The following TENM3 variants were observed in gnomAD, a reference collection of about 807,000 sequenced individuals.
TENM3 encodes the protein teneurin-3.
In TENM3, 63 loss-of-function variants were observed where a neutral mutation model predicts 255.1. The observed-to-expected ratio is 0.25, with a 90% CI of 0.20 to 0.30. The LOEUF (loss-of-function observed/expected upper bound fraction) is 0.30, where lower values mean the gene tolerates loss of function less well. TENM3 is among the 10% of genes least tolerant of loss of function. The pLI is 1.00. For missense variants in TENM3, 2,929 were observed against 3,461.1 expected (o/e 0.85, Z 3.86); for synonymous variants, 1,306 against 1,322.3 (o/e 0.99, Z 0.27).
intron 6 of TENM3, among the ~76,000 whole-genome samples, chr4:182,657,201 A>G (rs1417235949): frequency 6.6e-6 from 1 of 152,192 alleles, no homozygotes; most frequent in East Asian, 1.9e-4. Flanking sequence ...CTTCACATGT[A>G]AAGAGGGAAT....
chr4:182,299,209 A>G (rs1443868587), intron 1 of TENM3, among the ~76,000 whole-genome samples: 1 of 151,922 alleles, frequency 6.6e-6, no homozygotes, highest in Non-Finnish European at 1.5e-5. Flanking sequence ...ATTAACATCC[A>G]CTTTGTTGAA....
At chr4:182,580,750 C>G (rs529834359) in intron 3 of TENM3, among the ~76,000 whole-genome samples, 2 of 152,304 alleles carry the variant, frequency 1.3e-5, no homozygotes, top group South Asian at 4.1e-4. Context: ...ACTGCTAACC[C>G]TGATGGGTCA....
At chr4:181,558,688 A>G in the TENM3 span, among the ~76,000 whole-genome samples, 1 of 152,210 alleles carries the variant, frequency 6.6e-6, no homozygotes, top group Non-Finnish European at 1.5e-5. Flanking sequence ...ATGTTCTGTA[A>G]TAACAGGGAA....
At chr4:182,791,503 T>C (rs1355176523) in intron 25 of TENM3, among the ~76,000 whole-genome samples, 1 of 152,084 alleles carries the variant, frequency 6.6e-6, no homozygotes, top group African/African-American at 2.4e-5. Flanking sequence ...ATACATTTAC[T>C]CATTTCATAA....
chr4:182,045,842 A>G, the TENM3 span, among the ~76,000 whole-genome samples: 1 of 152,154 alleles, frequency 6.6e-6, no homozygotes, highest in Admixed American at 6.5e-5. Flanking sequence ...GGAGCCCAGG[A>G]GTTTGAGACC....
chr4:182,717,984 G>C (rs375191920), intron 13 of TENM3, among the ~76,000 whole-genome samples: 1 of 151,952 alleles, frequency 6.6e-6, no homozygotes, highest in Non-Finnish European at 1.5e-5. Context: ...CACAGTCTTC[G>C]GTTCCTCAAG....
chr4:182,486,071 G>A (rs1734675406), intron 3 of TENM3, among the ~76,000 whole-genome samples: 1 of 152,022 alleles, frequency 6.6e-6, no homozygotes, highest in Non-Finnish European at 1.5e-5. Context: ...GGAGCCGGAA[G>A]ACAGTGTCAG....
At chr4:181,924,854 T>A in the TENM3 span, among the ~76,000 whole-genome samples, 2 of 152,186 alleles carry the variant, frequency 1.3e-5, no homozygotes, top group Admixed American at 6.5e-5. Flanking sequence ...TGATTGCAAC[T>A]TGAACATGTC....
At chr4:181,809,779 G>T in the TENM3 span, among the ~76,000 whole-genome samples, 4 of 152,068 alleles carry the variant, frequency 2.6e-5, no homozygotes, top group African/African-American at 9.7e-5. Context: ...GTCCTTATAA[G>T]CAGGAAGCAA....
chr4:182,349,071 C>T (rs1476925180), intron 3 of TENM3, among the ~76,000 whole-genome samples: 2 of 152,138 alleles, frequency 1.3e-5, no homozygotes, highest in Admixed American at 1.3e-4. Context: ...AGGGCCTTGC[C>T]TTGAAATTCA....
the TENM3 span, among the ~76,000 whole-genome samples, chr4:181,523,734 A>T: frequency 6.6e-6 from 1 of 152,200 alleles, no homozygotes; most frequent in Non-Finnish European, 1.5e-5. Context: ...GGAGAGTATG[A>T]TGTTCTTCTC....
the TENM3 span, among the ~76,000 whole-genome samples, chr4:181,656,183 G>T: frequency 6.6e-6 from 1 of 152,222 alleles, no homozygotes; most frequent in African/African-American, 2.4e-5. Flanking sequence ...TCAGAACCCA[G>T]GCTTTTGAGG....
At chr4:182,101,633 T>C in the TENM3 span, among the ~76,000 whole-genome samples, 2,209 of 152,134 alleles carry the variant, frequency 0.015, 45 homozygotes, top group East Asian at 0.052. Flanking sequence ...GGCAGGGCGG[T>C]TGGAATAGTT....
chr4:182,110,113 C>CAAA, the TENM3 span, among the ~76,000 whole-genome samples: 1 of 109,644 alleles, frequency 9.1e-6, no homozygotes, highest in Admixed American at 9.5e-5. Context: ...GACTCTGTCT[C>CAAA]AAAAAAAAAA....
intron 3 of TENM3, among the ~76,000 whole-genome samples, chr4:182,431,271 G>C (rs770310779): frequency 6.6e-6 from 1 of 151,652 alleles, no homozygotes; most frequent in Non-Finnish European, 1.5e-5. Context: ...CGAGACAGGC[G>C]GATTATGAGG....
At chr4:182,010,500 T>C in the TENM3 span, among the ~76,000 whole-genome samples, 1 of 151,846 alleles carries the variant, frequency 6.6e-6, no homozygotes, top group Non-Finnish European at 1.5e-5. Flanking sequence ...TAAATAATTA[T>C]AATAGATGTG....
At chr4:182,148,428 A>G (rs1750107982) in intron 1 of TENM3, among the ~76,000 whole-genome samples, 2 of 152,126 alleles carry the variant, frequency 1.3e-5, no homozygotes, top group Admixed American at 1.3e-4. Context: ...TATATAAAAC[A>G]TGAGGAAGCA....
chr4:181,613,582 C>T, the TENM3 span, among the ~76,000 whole-genome samples: 7 of 152,288 alleles, frequency 4.6e-5, no homozygotes, highest in South Asian at 8.3e-4. Context: ...CCAGCTATGC[C>T]GCTGACTTTG....
At chr4:182,086,319 G>GT in the TENM3 span, among the ~76,000 whole-genome samples, 1 of 152,148 alleles carries the variant, frequency 6.6e-6, no homozygotes, top group African/African-American at 2.4e-5. Flanking sequence ...CCTCTATACA[G>GT]TGCAGGAATA....
Sources: gnomAD v4.1 joint callset for allele counts (sites outside exome capture counted in the v4.1 genomes callset) on GRCh38, gnomAD v4.1.1 for gene constraint, MANE v1.5 for transcripts, NCBI Gene and HGNC (gene_info 2026-07-23, HGNC 2026-07-21) for gene names.